The following C3orf49 variants were observed in gnomAD, a reference collection of about 807,000 sequenced individuals.
C3orf49 encodes the protein chromosome 3 open reading frame 49.
A neutral mutation model predicts 13.3 loss-of-function variants in C3orf49; 27 were observed. The observed-to-expected ratio is 2.02, with a 90% CI of 1.49 to 2.79. The LOEUF is 2.79. C3orf49 is among the 30% of genes most tolerant of loss of function. The pLI is 0.00. For missense variants in C3orf49, 242 were observed against 134.2 expected (o/e 1.80, Z -3.97); for synonymous variants, 87 against 47.6 (o/e 1.83, Z -3.40).
chr3:63,828,013 A>G (rs1701487716), intron 3 of C3orf49, among the ~76,000 whole-genome samples: 1 of 152,214 alleles, frequency 6.6e-6, no homozygotes, highest in South Asian at 2.1e-4. Context: ...ATTCTGGCCT[A>G]TCTGTGCATA....
chr3:63,802,126 T>C, the C3orf49 span, among the ~76,000 whole-genome samples: 82 of 152,322 alleles, frequency 5.4e-4, 3 homozygotes, highest in South Asian at 7.5e-3. Flanking sequence ...TGTTGCTCAA[T>C]GACAGGTCGC....
the C3orf49 span, among the ~76,000 whole-genome samples, chr3:63,796,240 C>T: frequency 1.3e-5 from 2 of 152,110 alleles, no homozygotes; most frequent in African/African-American, 4.8e-5. Context: ...GTGGCAGTCA[C>T]CTCTAAATGG....
At chr3:63,834,807 G>A (rs982680618) in intron 5 of C3orf49, among the ~76,000 whole-genome samples, 2 of 152,152 alleles carry the variant, frequency 1.3e-5, no homozygotes, top group African/African-American at 4.8e-5. Context: ...CAGTGGGTAT[G>A]CAAATGTTCG....
At chr3:63,807,153 G>A in the C3orf49 span, among the ~76,000 whole-genome samples, 5 of 152,028 alleles carry the variant, frequency 3.3e-5, no homozygotes, top group Admixed American at 1.3e-4. Context: ...GGGTTTCACC[G>A]TGTTAGCCAG....
chr3:63,807,321 AT>A, the C3orf49 span, among the ~76,000 whole-genome samples: 1 of 151,956 alleles, frequency 6.6e-6, no homozygotes, highest in Admixed American at 6.6e-5. Flanking sequence ...TTTCACTCAT[AT>A]TTTTTTCATT....
intron 5 of C3orf49, among the ~76,000 whole-genome samples, chr3:63,841,326 T>C (rs1188161203): frequency 6.6e-6 from 1 of 152,188 alleles, no homozygotes; most frequent in Non-Finnish European, 1.5e-5. Flanking sequence ...CAGATAGAGG[T>C]GGGAAAAGAT....
chr3:63,847,754 A>C (rs1459805924), intron 6 of C3orf49, among the ~76,000 whole-genome samples: 1 of 152,208 alleles, frequency 6.6e-6, no homozygotes, highest in African/African-American at 2.4e-5. Context: ...AAACAAAAAA[A>C]ACAAACTCTG....
chr3:63,805,812 AC>A, the C3orf49 span, among the ~76,000 whole-genome samples: 1 of 152,184 alleles, frequency 6.6e-6, no homozygotes, highest in Admixed American at 6.5e-5. Context: ...CTCTATTACT[AC>A]TTAAACATGC....
intron 5 of C3orf49, chr3:63,835,500 T>C: frequency 1.1e-6 from 1 of 891,422 alleles, no homozygotes; most frequent in South Asian, 1.7e-5. Flanking sequence ...AAAAAGGGCT[T>C]ATAAGGAGTT....
At chr3:63,794,172 T>C in the C3orf49 span, among the ~76,000 whole-genome samples, 264 of 142,660 alleles carry the variant, frequency 1.9e-3, 2 homozygotes, top group Middle Eastern at 0.015. Flanking sequence ...TACACACACA[T>C]ACACACACAC....
chr3:63,787,107 C>A, the C3orf49 span: 12 of 152,284 alleles, frequency 7.9e-5, no homozygotes, highest in Non-Finnish European at 1.5e-4. Flanking sequence ...AAATGAGTGA[C>A]CTTTTAATTT....
the C3orf49 span, chr3:63,782,522 T>A: frequency 6.6e-6 from 1 of 152,140 alleles, no homozygotes; most frequent in Admixed American, 6.5e-5. Context: ...GTCAACACTT[T>A]AATAACCACT....
At chr3:63,837,457 A>G (rs912220858) in intron 5 of C3orf49, among the ~76,000 whole-genome samples, 1 of 152,086 alleles carries the variant, frequency 6.6e-6, no homozygotes, top group Non-Finnish European at 1.5e-5. Context: ...CTTAAAAACA[A>G]GAGATTATAA....
upstream of C3orf49, among the ~76,000 whole-genome samples, chr3:63,815,640 A>G (rs1280438897): frequency 1.3e-5 from 2 of 152,154 alleles, no homozygotes; most frequent in Non-Finnish European, 2.9e-5. Flanking sequence ...TTTCAACATT[A>G]AATGTCTCAC....
chr3:63,784,082 T>G, the C3orf49 span, among the ~76,000 whole-genome samples: 2 of 152,166 alleles, frequency 1.3e-5, no homozygotes, highest in Non-Finnish European at 2.9e-5. Context: ...TAAGGAATAG[T>G]TACTCTCTGT....
At chr3:63,792,709 A>G in the C3orf49 span, among the ~76,000 whole-genome samples, 1 of 152,212 alleles carries the variant, frequency 6.6e-6, no homozygotes, top group Non-Finnish European at 1.5e-5. Context: ...TTATAGGAGC[A>G]TTGATATGTC....
rs1453757762 is a variant in C3orf49 at position 63,848,379 on chromosome 3, C to G, written c.*46C>G. On this transcript the variant is annotated 3_prime_UTR_variant, in exon 7 of 7. Transcript: ENST00000295896. ...TTGATTCCAGGTCTTCAGACAATAA[C>G]TTAACCAATTACCAATCAGAAAATC... 6.6e-6 allele frequency: 1 copy of G among 151,788 alleles called. No homozygotes were observed. Among genetic ancestry groups the G allele is most frequent in the Non-Finnish European group, 1.5e-5 (1 of 67,968 alleles). The allele number at this position is 151,788 out of a possible 1,614,324, so 9.4% of individuals were successfully genotyped here.
chr3:63,809,677 A>C, the C3orf49 span, among the ~76,000 whole-genome samples: 1 of 152,048 alleles, frequency 6.6e-6, no homozygotes, highest in Non-Finnish European at 1.5e-5. Flanking sequence ...TGTTCCAGCC[A>C]CACAGGCCTG....
chr3:63,816,093 T>G (rs1301911393), upstream of C3orf49, among the ~76,000 whole-genome samples: 1 of 151,592 alleles, frequency 6.6e-6, no homozygotes, highest in Non-Finnish European at 1.5e-5. Flanking sequence ...CTGTTTTTCT[T>G]TTTATTTATT....
Sources: allele counts gnomAD v4.1 joint callset (sites outside exome capture counted in the v4.1 genomes callset), GRCh38; gene constraint gnomAD v4.1.1; transcripts MANE v1.5; gene names NCBI Gene and HGNC (gene_info 2026-07-23, HGNC 2026-07-21).